The following FAM163B variants were observed in gnomAD, a reference collection of about 807,000 sequenced individuals.
FAM163B encodes the protein protein FAM163B.
In FAM163B, 4 loss-of-function variants were observed where a neutral mutation model predicts 7.6. The ratio of observed to expected loss-of-function variants is 0.52; its 90% CI spans 0.26 to 1.20. FAM163B has a LOEUF of 1.20. Ranked by LOEUF, FAM163B falls within the 50% of genes most tolerant of loss-of-function variation. The pLI, the probability that FAM163B is intolerant of heterozygous loss-of-function variation, is 0.14. For synonymous variants in FAM163B, 120 were observed against 111.6 expected (o/e 1.07, Z -0.47); for missense variants, 250 against 243.0 (o/e 1.03, Z -0.19).
intron 1 of FAM163B, among the ~76,000 whole-genome samples, chr9:133,596,839 G>A (rs1427024140): frequency 6.6e-6 from 1 of 152,206 alleles, no homozygotes; most frequent in African/African-American, 2.4e-5. Flanking sequence ...AGAACTAGCT[G>A]ATAGGATTCC....
At chr9:133,603,493 A>G (rs1299581397) in intron 1 of FAM163B, among the ~76,000 whole-genome samples, 1 of 152,274 alleles carries the variant, frequency 6.6e-6, no homozygotes, top group East Asian at 1.9e-4. Context: ...TTGGAAAGCT[A>G]AAAGCCAATG....
chr9:133,587,407 C>T (rs1831456986), intron 1 of FAM163B, among the ~76,000 whole-genome samples: 1 of 152,178 alleles, frequency 6.6e-6, no homozygotes, highest in African/African-American at 2.4e-5. Context: ...GTGATTGTCC[C>T]CCCCTGGCCT....
rs1021775889 is a variant in FAM163B, at chr9:133,601,245, C to T, written c.-24+7832G>A. 6.6e-6 allele frequency among the ~76,000 whole-genome samples: 1 copy of T among 152,230 alleles called. No individual in the cohort carries two copies. Among genetic ancestry groups the T allele is most frequent in the Admixed American group, 6.5e-5 (1 of 15,280 alleles). ...GCAGGGCGCGCCTTTGGAGCCGACT[C>T]AGTGATTCTATTATAACTTGTGCAG... is the stretch of plus-strand genomic sequence containing the variant. On this transcript the variant is annotated intron_variant, in intron 1 of 2. Coordinates refer to ENST00000673969, the MANE Select transcript of FAM163B (RefSeq NM_001080515.3). This position sits in a 1 kb window ranked among gnomAD's most constrained non-coding sequence, Gnocchi z 4.1.
chr9:133,585,632 G>A (rs1037494993), intron 1 of FAM163B, among the ~76,000 whole-genome samples: 70 of 152,354 alleles, frequency 4.6e-4, no homozygotes, highest in African/African-American at 1.7e-3. Flanking sequence ...GGCTCATCCA[G>A]CCCCGCGCCT....
At position 133,577,484 on chromosome 9, in the gene FAM163B, TC is replaced by T. The variant is rs1340250283; in HGVS notation, c.*1537del. Among the ~76,000 whole-genome samples the T allele has an allele frequency of 6.6e-6, 1 of 152,174 alleles. No individual in the cohort carries two copies. Among genetic ancestry groups the T allele is most frequent in the Non-Finnish European group, 1.5e-5 (1 of 68,034 alleles). On this transcript the variant is annotated 3_prime_UTR_variant, in exon 3 of 3. Transcript: ENST00000673969. ...TAACGATTGTGACTTCGTCAGCCGTTCCCCCGACGCCTCTGGAAACTGGCCA... is the reference window on the plus strand; with the variant it reads ...TAACGATTGTGACTTCGTCAGCCGTTCCCCGACGCCTCTGGAAACTGGCCA...
chr9:133,579,452 C>T, intron 2 of FAM163B, 23 bp from the exon 3 acceptor site: 2 of 1,553,826 alleles, frequency 1.3e-6, no homozygotes, highest in Non-Finnish European at 8.7e-7. Flanking sequence ...GGACGGTGAC[C>T]ATGCGGCCGC....
intron 1 of FAM163B, among the ~76,000 whole-genome samples, chr9:133,580,575 C>T (rs1831341807): frequency 1.3e-5 from 2 of 152,230 alleles, no homozygotes; most frequent in Admixed American, 1.3e-4. Flanking sequence ...GCCCTTCCAG[C>T]CTGGCTCTAC....
Position 133,580,114 on chromosome 9 carries a change from C to T in FAM163B, c.93+17G>A, listed in dbSNP as rs915989355. On this transcript the variant is annotated intron_variant, in intron 2 of 2. Transcript: ENST00000673969. ...GGGCCTCCCTGCCCTGTCCCCTTCCCCGCCGCCCGGGAATACCTGGAGCCG... is the reference window on the plus strand; with the variant it reads ...GGGCCTCCCTGCCCTGTCCCCTTCCTCGCCGCCCGGGAATACCTGGAGCCG... The T allele has an allele frequency of 1.9e-6, 3 of 1,607,592 alleles. No homozygotes were observed. The highest frequency in any genetic ancestry group is 1.7e-4 in the Middle Eastern group (1 of 6,050).
In FAM163B at chr9:133,578,400, T is replaced by C. The variant is rs11521992; in HGVS notation, c.*622A>G. 91,234 of 152,102 alleles carry C rather than the reference T, an allele frequency of 0.6. 28,521 individuals carry two copies. The highest frequency in any genetic ancestry group is 0.72 in the Middle Eastern group (213 of 296). 9.4% of individuals were successfully genotyped at this position (152,102 alleles called of 1,614,324 possible). On this transcript the variant is annotated 3_prime_UTR_variant, in exon 3 of 3. Transcript: ENST00000673969. ...GAAAGTCTCCCTTCTAGGGGGCAGC[T>C]GGTCCATCTTCAGGGAGCTCAGCAC...
chr9:133,595,560 G>A (rs1365857130), intron 1 of FAM163B, among the ~76,000 whole-genome samples: 3 of 152,064 alleles, frequency 2.0e-5, no homozygotes, highest in Non-Finnish European at 4.4e-5. Flanking sequence ...TGCTCTCCCC[G>A]ATCTCCCCCT....
At chr9:133,608,050 C>A (rs1831810966) in intron 1 of FAM163B, among the ~76,000 whole-genome samples, 1 of 152,226 alleles carries the variant, frequency 6.6e-6, no homozygotes, top group African/African-American at 2.4e-5. Context: ...TTGGTAATTA[C>A]TGCTCTCCCC....
rs959681956 is a variant in FAM163B at position 133,600,635 on chromosome 9, A to G, written c.-24+8442T>C. The stretch of plus-strand genomic sequence containing the variant: ...ACCAGAGGGTAAAAGGATGGGTGGA[A>G]GCCCAAGACTCGTGGGGCTTGAGGA... On this transcript the variant is annotated intron_variant, in intron 1 of 2. Transcript: ENST00000673969. This position sits in a 1 kb window ranked among gnomAD's most constrained non-coding sequence, Gnocchi z 4.9. Among the ~76,000 whole-genome samples the G allele has an allele frequency of 6.6e-6, 1 of 152,104 alleles. No individual in the cohort carries two copies. The highest frequency in any genetic ancestry group is 1.5e-5 in the Non-Finnish European group (1 of 68,010).
chr9:133,598,589 C>A (rs1227722923), intron 1 of FAM163B, among the ~76,000 whole-genome samples: 1 of 138,328 alleles, frequency 7.2e-6, no homozygotes, highest in Admixed American at 7.1e-5. Context: ...CAGGCACCCG[C>A]TGCTGGTGGG....
intron 1 of FAM163B, among the ~76,000 whole-genome samples, chr9:133,588,597 G>A: frequency 6.6e-6 from 1 of 152,220 alleles, no homozygotes; most frequent in Non-Finnish European, 1.5e-5. Flanking sequence ...CTAGCATGTT[G>A]AGGGATCTAG....
intron 1 of FAM163B, among the ~76,000 whole-genome samples, chr9:133,594,586 T>C (rs957532509): frequency 6.6e-6 from 1 of 152,194 alleles, no homozygotes. Flanking sequence ...GTTTGGCATT[T>C]ATAGTTTATT....
intron 1 of FAM163B, among the ~76,000 whole-genome samples, chr9:133,588,439 G>T (rs1831474031): frequency 6.6e-6 from 1 of 151,492 alleles, no homozygotes; most frequent in Non-Finnish European, 1.5e-5. Flanking sequence ...GCCTGAAGTT[G>T]CCACCTTTGG....
intron 1 of FAM163B, among the ~76,000 whole-genome samples, chr9:133,596,230 T>C (rs1831630477): frequency 1.1e-5 from 1 of 93,436 alleles, no homozygotes; most frequent in East Asian, 2.5e-4. Context: ...CAGAGGCTTC[T>C]GGCCCGGGCG....
rs1452298642 is a variant in FAM163B, at chr9:133,579,074, G to A, written c.449C>T (p.Ser150Leu). 6.3e-7 allele frequency: 1 copy of A among 1,591,734 alleles called. No individual in the cohort carries two copies. Among genetic ancestry groups the A allele is most frequent in the Non-Finnish European group, 8.5e-7 (1 of 1,171,478 alleles). Residue 150 changes from serine to leucine, a missense_variant, in exon 3 of 3, where the codon TCA becomes TTA. Physicochemically the swap from Ser to Leu is moderately radical, Grantham distance 145 (BLOSUM62 -2). Transcript: ENST00000673969. The part of the protein sequence containing the change: ...GLQALNPNRL[S>L]AMREAFARSR... ...CCTGGCGAAGGCCTCCCGCATGGCT[G>A]AGAGGCGGTTGGGGTTGAGCGCCTG...
intron 1 of FAM163B, among the ~76,000 whole-genome samples, chr9:133,584,900 A>G (rs1437086437): frequency 1.3e-5 from 2 of 152,234 alleles, no homozygotes; most frequent in Non-Finnish European, 2.9e-5. Context: ...AAGCCTCCGC[A>G]CTGCCAGCCA....
Sources: allele counts gnomAD v4.1 joint callset (sites outside exome capture counted in the v4.1 genomes callset), GRCh38; gene constraint gnomAD v4.1.1; non-coding constraint Gnocchi (gnomAD v3.1); transcripts MANE v1.5; gene names NCBI Gene and HGNC (gene_info 2026-07-23, HGNC 2026-07-21).